Variants in TMEM62 observed in about 807,000 individuals in gnomAD.
The protein encoded by TMEM62 is transmembrane protein 62.
Under a neutral mutation model 70.4 loss-of-function variants are expected in TMEM62, and 41 were observed. The observed-to-expected ratio is 0.58, with a 90% confidence interval of 0.45 to 0.76. The LOEUF (loss-of-function observed/expected upper bound fraction) is 0.76. TMEM62 is among the 30% of genes least tolerant of loss of function. TMEM62 has a pLI of 0.00. For missense variants in TMEM62, 688 were observed against 788.5 expected (o/e 0.87, Z 1.53); for synonymous variants, 268 against 291.0 (o/e 0.92, Z 0.80).
chr15:43,146,327 A>C, intron 4 of TMEM62, 166 bp from the exon 5 acceptor site: 1 of 612,354 alleles, frequency 1.6e-6, no homozygotes, highest in Middle Eastern at 3.6e-4. Flanking sequence ...TGGGAGAAAA[A>C]CTTTGAAATT....
chr15:43,152,222 G>A (rs911966566), intron 8 of TMEM62, among the ~76,000 whole-genome samples: 5 of 151,808 alleles, frequency 3.3e-5, no homozygotes, highest in Non-Finnish European at 7.4e-5. Context: ...TTATTTGGAC[G>A]CTTTTACATT....
rs762523237 is a variant in TMEM62 at position 43,184,444 on chromosome 15, A to G, written c.1790A>G (p.Tyr597Cys). The G allele has an allele frequency of 1.2e-6, 2 of 1,614,176 alleles. No individual in the cohort carries two copies. Among genetic ancestry groups the G allele is most frequent in the Non-Finnish European group, 1.7e-6 (2 of 1,180,038 alleles). ...VYSCYFLYAT[Y>C]GTLAFLFSPL... Reference sequence around the variant, plus strand: ...TCCTGCTACTTTCTTTATGCAACATACGGCACCCTAGCTTTTTTATTCTCC... The same window carrying G: ...TCCTGCTACTTTCTTTATGCAACATGCGGCACCCTAGCTTTTTTATTCTCC... Residue 597 changes from tyrosine (Y) to cysteine (C), a missense_variant, in exon 14 of 14, where the codon TAC becomes TGC. Tyr to Cys is a radical substitution (Grantham distance 194, BLOSUM62 -2). Coordinates refer to ENST00000260403, the MANE Select transcript of TMEM62 (RefSeq NM_024956.4).
At chr15:43,170,968 T>C (rs1453683416) in intron 11 of TMEM62, among the ~76,000 whole-genome samples, 1 of 152,224 alleles carries the variant, frequency 6.6e-6, no homozygotes, top group African/African-American at 2.4e-5. Flanking sequence ...AACACTGGCC[T>C]ATAAACTCTA....
chr15:43,172,489 A>C (rs916586248), intron 11 of TMEM62, among the ~76,000 whole-genome samples: 13 of 152,358 alleles, frequency 8.5e-5, no homozygotes, highest in African/African-American at 3.1e-4. Flanking sequence ...AGCTATCTTC[A>C]TTAAATCAAC....
chr15:43,154,471 C>T (rs1206641587), intron 8 of TMEM62, among the ~76,000 whole-genome samples: 2 of 152,124 alleles, frequency 1.3e-5, no homozygotes, highest in African/African-American at 2.4e-5. Context: ...AATTTCTTAC[C>T]AGTTCAGTTT....
At chr15:43,165,690 G>A (rs544003538) in intron 10 of TMEM62, among the ~76,000 whole-genome samples, 24 of 151,262 alleles carry the variant, frequency 1.6e-4, no homozygotes, top group African/African-American at 4.4e-4. Flanking sequence ...CCAAGATTGC[G>A]CCACTGCACT....
intron 8 of TMEM62, among the ~76,000 whole-genome samples, chr15:43,153,504 A>G (rs1408768774): frequency 2.0e-5 from 3 of 151,996 alleles, no homozygotes; most frequent in Admixed American, 2.0e-4. Flanking sequence ...GAATTTGACT[A>G]CTCTAGCTAA....
chr15:43,163,728 G>A (rs369659147), intron 10 of TMEM62, among the ~76,000 whole-genome samples: 4 of 151,758 alleles, frequency 2.6e-5, no homozygotes, highest in African/African-American at 9.7e-5. Context: ...CTTGCAGTGA[G>A]CCAAGATCAT....
In TMEM62 at chr15:43,160,632, A is replaced by AAT. The variant is rs533537272; in HGVS notation, c.1183-46_1183-45dup. 2.6e-4 allele frequency: 259 copies of AAT among 980,628 alleles called. 1 individual carries two copies. The East Asian group carries it at 6.1e-3, about 23-fold the overall frequency. The allele number at this position is 980,628 out of a possible 1,614,324, so 60.7% of individuals were successfully genotyped here. A position where few individuals can be genotyped will look rare whatever the true frequency, so the allele number is the denominator to read the frequency against. ...TCTTATTTTAATTTAGAACATTATA[A>AAT]ATATTTCCATGTACATGAAAGTTAC... On this transcript the variant is annotated intron_variant, in intron 9 of 13. Coordinates refer to ENST00000260403, the MANE Select transcript of TMEM62 (RefSeq NM_024956.4).
In TMEM62 at chr15:43,138,563, TTTTAAA is replaced by T; in HGVS notation, c.431-8_431-3del. The T allele has an allele frequency of 6.3e-7, 1 of 1,578,610 alleles. No individual in the cohort carries two copies. The highest frequency in any genetic ancestry group is 1.1e-5 in the South Asian group (1 of 87,092). On this transcript the variant is annotated splice_polypyrimidine_tract_variant and splice_region_variant and intron_variant, in intron 3 of 13. Transcript: ENST00000260403. Reference sequence around the variant, plus strand: ...GGATGAATGTTTGCTTTTTTTTTTTTTTTAAATTAGATGCATTCAATATTCCAAGTC... The same window carrying T: ...GGATGAATGTTTGCTTTTTTTTTTTTTTAGATGCATTCAATATTCCAAGTC...
Position 43,149,025 on chromosome 15 carries a change from T to A in TMEM62, c.744-4T>A. 2 of 1,613,564 alleles carry A rather than the reference T, an allele frequency of 1.2e-6. No homozygotes were observed. Among genetic ancestry groups the A allele is most frequent in the Non-Finnish European group, 1.7e-6 (2 of 1,179,826 alleles). On this transcript the variant is annotated splice_region_variant and splice_polypyrimidine_tract_variant and intron_variant, in intron 6 of 13. Coordinates refer to ENST00000260403, the MANE Select transcript of TMEM62 (RefSeq NM_024956.4). Reference sequence around the variant, plus strand: ...ATTTATTTCATTTATTTTTCATTGGTTAGTTCGGCTATAGCTTATTTGTGT... The same window carrying A: ...ATTTATTTCATTTATTTTTCATTGGATAGTTCGGCTATAGCTTATTTGTGT...
At chr15:43,148,676 G>A in intron 5 of TMEM62, 79 bp from the exon 6 acceptor site, 1 of 1,495,796 alleles carries the variant, frequency 6.7e-7, no homozygotes, top group South Asian at 1.3e-5. Flanking sequence ...TAAATCTTCA[G>A]AGGAGTTTTC....
intron 10 of TMEM62, among the ~76,000 whole-genome samples, chr15:43,168,848 C>G (rs1278220485): frequency 6.6e-6 from 1 of 152,176 alleles, no homozygotes; most frequent in Non-Finnish European, 1.5e-5. Context: ...CCCTAGGGCA[C>G]TTGTTTAGTC....
At chr15:43,162,433 C>CTT (rs1169921008) in intron 10 of TMEM62, among the ~76,000 whole-genome samples, 1 of 136,994 alleles carries the variant, frequency 7.3e-6, no homozygotes. Flanking sequence ...GCCCCTGGCC[C>CTT]TTTTTTTTTT....
intron 7 of TMEM62, among the ~76,000 whole-genome samples, chr15:43,151,086 T>A (rs1332717071): frequency 1.3e-5 from 2 of 152,224 alleles, no homozygotes; most frequent in African/African-American, 4.8e-5. Context: ...GGCTTACGCC[T>A]ATAATCCCAG....
At position 43,181,228 on chromosome 15, in the gene TMEM62, T is replaced by G. The variant is rs753567917; in HGVS notation, c.1534T>G (p.Phe512Val). ...EIIDGKFGCC[F>V]SFGIFVNGHF... ...CATTGATGGCAAATTTGGTTGCTGC[T>G]TTTCCTTTGGGATATTTGTTAATGG... Residue 512 changes from phenylalanine to valine, a missense_variant, in exon 13 of 14, where the codon TTT (phenylalanine) becomes GTT (valine). Transcript: ENST00000260403. 4.3e-6 allele frequency: 7 copies of G among 1,613,812 alleles called. No homozygotes were observed. The highest frequency in any genetic ancestry group is 5.9e-6 in the Non-Finnish European group (7 of 1,179,892).
chr15:43,142,628 T>G (rs1489187383), intron 4 of TMEM62, among the ~76,000 whole-genome samples: 1 of 151,842 alleles, frequency 6.6e-6, no homozygotes, highest in Non-Finnish European at 1.5e-5. Flanking sequence ...CGCTGAAGGC[T>G]CAGATGATCA....
Position 43,184,259 on chromosome 15 carries a change from G to C in TMEM62, c.1606-1G>C. Reference sequence around the variant, plus strand: ...TAAGCTATGGTTCTGTTCTTTTCCAGCTGGCGTTTTTTAACATCCCCTTGA... The same window carrying C: ...TAAGCTATGGTTCTGTTCTTTTCCACCTGGCGTTTTTTAACATCCCCTTGA... On this transcript the variant is annotated splice_acceptor_variant, in intron 13 of 13. Coordinates refer to ENST00000260403, the MANE Select transcript of TMEM62 (RefSeq NM_024956.4). LOFTEE classifies it high-confidence loss of function. 3 of 1,609,910 alleles carry C rather than the reference G, an allele frequency of 1.9e-6. No homozygotes were observed. The highest frequency in any genetic ancestry group is 1.1e-5 in the South Asian group (1 of 90,536).
intron 3 of TMEM62, among the ~76,000 whole-genome samples, chr15:43,137,227 C>T (rs2035353376): frequency 1.3e-5 from 2 of 152,156 alleles, no homozygotes; most frequent in Admixed American, 6.5e-5. Context: ...TAGCTAAGTA[C>T]TTCATTTGTC....
Sources: gnomAD v4.1 joint callset for allele counts (sites outside exome capture counted in the v4.1 genomes callset) on GRCh38, gnomAD v4.1.1 for gene constraint, MANE v1.5 for transcripts, NCBI Gene and HGNC (gene_info 2026-07-23, HGNC 2026-07-21) for gene names.